PPP3CA: variants seen among roughly 807,000 people sequenced by gnomAD.
PPP3CA encodes the protein protein phosphatase 3 catalytic subunit alpha, also known as CAM-PRP catalytic subunit.
PPP3CA carries 14 observed loss-of-function variants against 66.5 expected under a neutral mutation model. The ratio of observed to expected loss-of-function variants is 0.21; its 90% CI spans 0.14 to 0.33. PPP3CA has a LOEUF of 0.33. Among genes scored for constraint, PPP3CA ranks in the 10% least tolerant of loss-of-function variants. PPP3CA has a pLI of 1.00. For missense variants in PPP3CA, 317 were observed against 639.5 expected (o/e 0.50, Z 5.44); for synonymous variants, 232 against 226.2 (o/e 1.03, Z -0.23).
chr4:101,124,793 AAG>A (rs1560614724), intron 2 of PPP3CA, among the ~76,000 whole-genome samples: 35 of 124,022 alleles, frequency 2.8e-4, no homozygotes, highest in African/African-American at 1.3e-3. Flanking sequence ...GAAAGAAAGA[AAG>A]AAAGAGAAAA....
rs541482260 is a variant in PPP3CA, at chr4:101,238,952, C to T, written c.59-42836G>A. Among the ~76,000 whole-genome samples, 361 of 152,102 alleles carry T rather than the reference C, an allele frequency of 2.4e-3. 3 individuals carry two copies. The highest frequency in any genetic ancestry group is 8.2e-3 in the African/African-American group (340 of 41,538). ...CTAATGTAACCATCCTCCCATTTTC[C>T]AGTACTACCAAGTATAACAAATACA... On this transcript the variant is annotated intron_variant, in intron 1 of 13. Transcript: ENST00000394854.
intron 2 of PPP3CA, among the ~76,000 whole-genome samples, chr4:101,109,308 T>TAAAAAAAAAAAAAAA (rs70961775): frequency 2.2e-5 from 2 of 90,060 alleles, no homozygotes; most frequent in African/African-American, 8.5e-5. Context: ...ACAGATTAAC[T>TAAAAAAAAAAAAAAA]AAAAAAAAAA....
At chr4:101,228,522 T>C (rs960611701) in intron 1 of PPP3CA, among the ~76,000 whole-genome samples, 2 of 151,694 alleles carry the variant, frequency 1.3e-5, no homozygotes, top group African/African-American at 4.8e-5. Context: ...TTTTCTTTTT[T>C]CAAATTATTT....
intron 1 of PPP3CA, among the ~76,000 whole-genome samples, chr4:101,284,290 AG>A (rs1406277925): frequency 6.6e-6 from 1 of 152,200 alleles, no homozygotes; most frequent in Non-Finnish European, 1.5e-5. Flanking sequence ...CAAGTCTTGG[AG>A]TTAACGTTAC....
chr4:101,215,106 G>A (rs1420341203), intron 1 of PPP3CA, among the ~76,000 whole-genome samples: 1 of 151,786 alleles, frequency 6.6e-6, no homozygotes, highest in African/African-American at 2.4e-5. Flanking sequence ...TGAATTGAGT[G>A]TACCTTGAGG....
intron 8 of PPP3CA, among the ~76,000 whole-genome samples, chr4:101,069,592 A>G (rs1255791265): frequency 6.6e-6 from 1 of 152,156 alleles, no homozygotes; most frequent in Admixed American, 6.5e-5. Flanking sequence ...GCATGTGTGC[A>G]TGTGTGTGTA....
chr4:101,334,083 C>T (rs533399216), intron 1 of PPP3CA, among the ~76,000 whole-genome samples: 12 of 151,828 alleles, frequency 7.9e-5, no homozygotes, highest in African/African-American at 1.9e-4. Context: ...ATCTACTTAC[C>T]GAGCAGGAGA....
chr4:101,057,293 G>A (rs1728268478), intron 10 of PPP3CA, among the ~76,000 whole-genome samples: 1 of 152,132 alleles, frequency 6.6e-6, no homozygotes, highest in Non-Finnish European at 1.5e-5. Context: ...CTGACCTCAA[G>A]TGATCTGCCG....
rs1468901170 is a variant in PPP3CA, at chr4:101,098,415, C to T, written c.594G>A (p.Val198=). 5 of 1,612,274 alleles carry T rather than the reference C, an allele frequency of 3.1e-6. No individual in the cohort carries two copies. The highest frequency in any genetic ancestry group is 3.4e-6 in the Non-Finnish European group (4 of 1,179,066). The stretch of plus-strand genomic sequence containing the variant: ...TAATCTCTGGAGACAAACCACCATG[C>T]ACACACAGGAACTGTTGGTTCATCA... ...AALMNQQFLC[V]HGGLSPEINT... is the part of the protein sequence containing the mutation. The change falls in exon 5 of 14, where the codon GTG becomes GTA. Residue 198 remains valine (V), a synonymous_variant. Coordinates refer to ENST00000394854, the MANE Select transcript of PPP3CA (RefSeq NM_000944.5).
chr4:101,254,356 G>A (rs1297615328), intron 1 of PPP3CA, among the ~76,000 whole-genome samples: 4 of 151,944 alleles, frequency 2.6e-5, no homozygotes, highest in African/African-American at 9.7e-5. Context: ...GCTAGTTATA[G>A]AATGTGTATA....
chr4:101,271,843 C>T (rs548724357), intron 1 of PPP3CA, among the ~76,000 whole-genome samples: 24 of 152,228 alleles, frequency 1.6e-4, no homozygotes, highest in African/African-American at 2.9e-4. Context: ...ACAGAATTAA[C>T]GACACACAAA....
In PPP3CA at chr4:101,346,881, C is replaced by T. The variant is rs1730024016; in HGVS notation, c.-85G>A. On this transcript the variant is annotated 5_prime_UTR_variant, in exon 1 of 14. Coordinates refer to ENST00000394854, the MANE Select transcript of PPP3CA (RefSeq NM_000944.5). Reference sequence around the variant, plus strand: ...GACCGGCGGGCCAGACACTCAACGCCGCCGCCGCCGCCGCCGCCGCCGCGC... The same window carrying T: ...GACCGGCGGGCCAGACACTCAACGCTGCCGCCGCCGCCGCCGCCGCCGCGC... 7.4e-7 allele frequency: 1 copy of T among 1,355,750 alleles called. No homozygotes were observed. Among genetic ancestry groups the T allele is most frequent in the Non-Finnish European group, 1.0e-6 (1 of 979,498 alleles). The allele number at this position is 1,355,750 out of a possible 1,614,324, so 84.0% of individuals were successfully genotyped here.
chr4:101,131,757 T>C (rs868785224), intron 2 of PPP3CA, among the ~76,000 whole-genome samples: 4 of 152,184 alleles, frequency 2.6e-5, no homozygotes, highest in East Asian at 3.8e-4. Context: ...GCAGACCTAA[T>C]AGACATCTAC....
intron 9 of PPP3CA, among the ~76,000 whole-genome samples, chr4:101,062,851 T>C (rs921340049): frequency 6.6e-6 from 1 of 151,976 alleles, no homozygotes; most frequent in African/African-American, 2.4e-5. Flanking sequence ...AATCTTTTAA[T>C]TTGGCAGATA....
chr4:101,026,931 T>G (rs867025418), intron 13 of PPP3CA, among the ~76,000 whole-genome samples: 1 of 152,210 alleles, frequency 6.6e-6, no homozygotes, highest in African/African-American at 2.4e-5. Flanking sequence ...AAAAATGCAT[T>G]GAACTGGTTT....
chr4:101,259,895 A>T (rs1726959624), intron 1 of PPP3CA, among the ~76,000 whole-genome samples: 1 of 152,158 alleles, frequency 6.6e-6, no homozygotes, highest in Non-Finnish European at 1.5e-5. Context: ...TGCAAGCCAC[A>T]CAACCTGTTT....
chr4:101,278,140 T>TAAAAAAAAAAAAAAAAAAAAAAAA (rs1394423187), intron 1 of PPP3CA, among the ~76,000 whole-genome samples: 2 of 118,730 alleles, frequency 1.7e-5, no homozygotes, highest in African/African-American at 3.3e-5. Flanking sequence ...AAAAAAAAAA[T>TAAAAAAAAAAAAAAAAAAAAAAAA]AAAAAAATTA....
chr4:101,079,245 T>C (rs1416483021), intron 8 of PPP3CA, among the ~76,000 whole-genome samples: 1 of 152,224 alleles, frequency 6.6e-6, no homozygotes, highest in Non-Finnish European at 1.5e-5. Flanking sequence ...ACCTCATTTA[T>C]GAAGGGGCAT....
intron 1 of PPP3CA, among the ~76,000 whole-genome samples, chr4:101,340,162 T>C (rs1243947197): frequency 1.3e-5 from 2 of 152,178 alleles, no homozygotes; most frequent in African/African-American, 2.4e-5. Context: ...AAATCCCTGA[T>C]ATCTATTTGT....
Sources: allele counts gnomAD v4.1 joint callset (sites outside exome capture counted in the v4.1 genomes callset), GRCh38; gene constraint gnomAD v4.1.1; transcripts MANE v1.5; gene names NCBI Gene and HGNC (gene_info 2026-07-23, HGNC 2026-07-21).